Variants in TPTE observed in about 807,000 individuals in gnomAD.
TPTE encodes the protein putative tyrosine-protein phosphatase TPTE.
Under a neutral mutation model 84.1 loss-of-function variants are expected in TPTE, and 59 were observed. That is an observed-to-expected ratio of 0.70 (90% CI 0.57 to 0.87). TPTE has a LOEUF of 0.87. Ranked by LOEUF, TPTE falls within the 40% of genes least tolerant of loss-of-function variation. TPTE has a pLI of 0.00. For synonymous variants in TPTE, 130 were observed against 223.5 expected (o/e 0.58, Z 3.73); for missense variants, 382 against 659.6 (o/e 0.58, Z 4.61).
At chr21:10,583,900 C>G (rs1279245778) in intron 17 of TPTE, among the ~76,000 whole-genome samples, 1 of 152,312 alleles carries the variant, frequency 6.6e-6, no homozygotes, top group Non-Finnish European at 1.5e-5. Flanking sequence ...GCACAACTAT[C>G]TTACTGTAGC....
intron 7 of TPTE, among the ~76,000 whole-genome samples, chr21:10,545,370 A>G (rs2074446869): frequency 1.3e-5 from 2 of 152,308 alleles, no homozygotes; most frequent in African/African-American, 4.8e-5. Flanking sequence ...TTAATAGTAG[A>G]TTCCAAATCA....
At chr21:10,561,831 A>G (rs565027640) in intron 10 of TPTE, among the ~76,000 whole-genome samples, 36 of 152,410 alleles carry the variant, frequency 2.4e-4, no homozygotes, top group Non-Finnish European at 4.6e-4. Context: ...AGGCAAGGAC[A>G]CAGGCCTGGC....
At chr21:10,573,401 G>A (rs1240576886) in intron 14 of TPTE, among the ~76,000 whole-genome samples, 1 of 152,428 alleles carries the variant, frequency 6.6e-6, no homozygotes, top group Non-Finnish European at 1.5e-5. Flanking sequence ...AACAGTTGGG[G>A]CCTTTAGCAC....
chr21:10,572,321 G>A (rs1264967063), intron 14 of TPTE, among the ~76,000 whole-genome samples: 21 of 152,360 alleles, frequency 1.4e-4, no homozygotes, highest in Middle Eastern at 3.4e-3. Context: ...GTGTGGTGGC[G>A]TGAACCTGTA....
At chr21:10,527,200 T>TAC (rs1176327996) in intron 2 of TPTE, among the ~76,000 whole-genome samples, 155 bp from the exon 3 acceptor site, 2 of 152,096 alleles carry the variant, frequency 1.3e-5, no homozygotes, top group Admixed American at 6.5e-5. Context: ...GTCTCAGAAG[T>TAC]ACTAGTGCTG....
intron 3 of TPTE, among the ~76,000 whole-genome samples, chr21:10,528,226 A>G (rs1164060418): frequency 2.0e-5 from 3 of 152,250 alleles, no homozygotes; most frequent in Admixed American, 2.0e-4. Context: ...GTATACATTT[A>G]TGTTGTTTCT....
In TPTE at chr21:10,569,725, C is replaced by G. The variant is rs752179158; in HGVS notation, c.709C>G (p.Leu237Val). Residue 237 changes from leucine (L) to valine (V), a missense_variant, in exon 13 of 24, where the codon CTA (leucine) becomes GTA (valine). By Grantham distance (32) the Leu-to-Val change is conservative. Around this residue, in one of 10 missense-constraint regions of TPTE, gnomAD observed 85 missense variants for 230.9 expected, o/e 0.37. Coordinates refer to ENST00000618007, the MANE Select transcript of TPTE (RefSeq NM_199261.4). ...KRRYTRDGFD[L>V]DLTYVTERII... ...GCGATACACAAGGGATGGATTTGAC[C>G]TAGACCTCACTTACGTTACAGGTTT... is the stretch of plus-strand genomic sequence containing the variant. The G allele has an allele frequency of 2.5e-6, 4 of 1,614,022 alleles. No homozygotes were observed. The South Asian group carries it at 3.3e-5, about 13-fold the overall frequency.
intron 18 of TPTE, among the ~76,000 whole-genome samples, chr21:10,590,817 T>G (rs1253444137): frequency 1.3e-5 from 2 of 152,426 alleles, no homozygotes; most frequent in African/African-American, 4.8e-5. Flanking sequence ...ACGCAATATT[T>G]TAATAAAAAT....
rs866432949 is a variant in TPTE, at chr21:10,540,892, C to G, written c.12-220C>G. 4,244 of 706,424 alleles carry G rather than the reference C, an allele frequency of 6.0e-3. No individual in the cohort carries two copies. The African/African-American group carries it at 0.067, about 11-fold the overall frequency. The allele number at this position is 706,424 out of a possible 1,614,324, so 43.8% of individuals were successfully genotyped here. ...GGTGTAGATACCCTTACTTAATCTG[C>G]ATGCATCGCTATGGTCACAGCCTAA... On this transcript the variant is annotated intron_variant, in intron 4 of 23. Transcript: ENST00000618007.
At chr21:10,541,067 T>C (rs765209915) in intron 4 of TPTE, 45 bp from the exon 5 acceptor site, 5 of 1,610,996 alleles carry the variant, frequency 3.1e-6, no homozygotes, top group Non-Finnish European at 4.2e-6. Context: ...TGCAAAACAT[T>C]AGAATTACGC....
chr21:10,573,661 T>A, intron 14 of TPTE, among the ~76,000 whole-genome samples: 1 of 152,308 alleles, frequency 6.6e-6, no homozygotes, highest in African/African-American at 2.4e-5. Flanking sequence ...ATACAAGTAT[T>A]GAGATATCCC....
chr21:10,568,459 C>CTG (rs2074971227), intron 11 of TPTE, among the ~76,000 whole-genome samples: 2 of 152,310 alleles, frequency 1.3e-5, no homozygotes, highest in Admixed American at 6.5e-5. Flanking sequence ...ATATGAAGCC[C>CTG]TGGTGACTCT....
At chr21:10,560,011 A>G (rs2145672989) in intron 9 of TPTE, among the ~76,000 whole-genome samples, 1 of 152,412 alleles carries the variant, frequency 6.6e-6, no homozygotes, top group African/African-American at 2.4e-5. Flanking sequence ...ACTGTCCATC[A>G]GTTGCTAAGT....
intron 10 of TPTE, among the ~76,000 whole-genome samples, chr21:10,564,587 A>T (rs9982941): frequency 6.6e-6 from 1 of 152,300 alleles, no homozygotes; most frequent in Non-Finnish European, 1.5e-5. Flanking sequence ...ATAAATATTG[A>T]TGCAAAAATC....
chr21:10,582,217 T>TG (rs1266538945), intron 17 of TPTE, among the ~76,000 whole-genome samples: 13 of 152,274 alleles, frequency 8.5e-5, no homozygotes, highest in Admixed American at 3.9e-4. Flanking sequence ...AATTGGAAGT[T>TG]GGGGGAAGTG....
chr21:10,591,146 G>A (rs2075467987), intron 18 of TPTE, among the ~76,000 whole-genome samples: 1 of 152,312 alleles, frequency 6.6e-6, no homozygotes, highest in Admixed American at 6.5e-5. Flanking sequence ...AAATATCTTT[G>A]CTTAGTCAAT....
At chr21:10,560,604 C>G (rs866872011) in intron 9 of TPTE, among the ~76,000 whole-genome samples, 1,078 of 152,006 alleles carry the variant, frequency 7.1e-3, no homozygotes, top group Non-Finnish European at 0.012. Context: ...GTTACTCATG[C>G]TTTCATTTGG....
chr21:10,565,413 T>C (rs1388422534), intron 10 of TPTE, among the ~76,000 whole-genome samples: 1 of 152,306 alleles, frequency 6.6e-6, no homozygotes, highest in Non-Finnish European at 1.5e-5. Context: ...ATCAATATTG[T>C]TAAAATGTCC....
chr21:10,571,768 G>T (rs565384159), intron 14 of TPTE, among the ~76,000 whole-genome samples: 76 of 152,230 alleles, frequency 5.0e-4, no homozygotes, highest in African/African-American at 1.8e-3. Context: ...AGCACTTTGA[G>T]AGGCCAAGGC....
Sources: allele counts gnomAD v4.1 joint callset (sites outside exome capture counted in the v4.1 genomes callset), GRCh38; gene constraint gnomAD v4.1.1; regional missense constraint gnomAD v4.1.1; transcripts MANE v1.5; gene names NCBI Gene and HGNC (gene_info 2026-07-23, HGNC 2026-07-21).